Variants in COPS9 observed in about 807,000 individuals in gnomAD.
COPS9 encodes the protein COP9 signalosome subunit 9, also known as COP9 signalosome complex subunit 9.
Under a neutral mutation model 7.2 loss-of-function variants are expected in COPS9, and 8 were observed. The ratio of observed to expected loss-of-function variants is 1.11; its 90% CI spans 0.65 to 2.00. The LOEUF (loss-of-function observed/expected upper bound fraction) is 2.00, where lower values mean the gene tolerates loss of function less well. COPS9 is among the 30% of genes most tolerant of loss of function. The pLI is 0.00. For missense variants in COPS9, 74 were observed against 77.7 expected, an observed-to-expected ratio of 0.95 and a Z score of 0.18; for synonymous variants, 39 against 28.7, an observed-to-expected ratio of 1.36 and a Z score of -1.14.
chr2:240,133,601 C>T (rs2071943390), intron 2 of COPS9, among the ~76,000 whole-genome samples: 1 of 152,206 alleles, frequency 6.6e-6, no homozygotes, highest in Non-Finnish European at 1.5e-5. Flanking sequence ...AGATGGGGTT[C>T]CTATGGCCGT....
At chr2:240,134,260 C>G (rs2071951613) in intron 1 of COPS9, 1 of 477,822 alleles carries the variant, frequency 2.1e-6, no homozygotes, top group East Asian at 3.7e-5. Flanking sequence ...AAGAAACCTA[C>G]CACTGACCTA....
downstream of COPS9, among the ~76,000 whole-genome samples, chr2:240,127,300 G>C (rs567187242): frequency 6.6e-6 from 1 of 150,826 alleles, no homozygotes; most frequent in Non-Finnish European, 1.5e-5. Context: ...CAGGCACAGG[G>C]AAATTCCAAA....
intron 2 of COPS9, among the ~76,000 whole-genome samples, chr2:240,133,183 T>C (rs980400027): frequency 6.6e-6 from 1 of 152,216 alleles, no homozygotes; most frequent in Admixed American, 6.5e-5. Flanking sequence ...AAAAGCACCA[T>C]GGATTAAACC....
rs1318466537 is a variant in COPS9 at position 240,132,175 on chromosome 2, CTT to C, written c.137-1089_137-1088del. Among the ~76,000 whole-genome samples the C allele has an allele frequency of 6.6e-6, 1 of 152,332 alleles. No homozygotes were observed. Among genetic ancestry groups the C allele is most frequent in the East Asian group, 1.9e-4 (1 of 5,184 alleles). ...ATGCCGTCCACGCTTTGCCAGGGCT[CTT>C]GTCACAGTCCAGCCCCTGCCTGCTG... On this transcript the variant is annotated intron_variant, in intron 2 of 2. Coordinates refer to ENST00000607357, the MANE Select transcript of COPS9 (RefSeq NM_001163424.2). This position sits in a 1 kb window ranked among gnomAD's most constrained non-coding sequence, Gnocchi z 4.1.
At chr2:240,135,967 G>C in intron 1 of COPS9, 2 of 536,112 alleles carry the variant, frequency 3.7e-6, no homozygotes, top group Non-Finnish European at 6.2e-6. Flanking sequence ...GCACCCAGCA[G>C]GCACTCAACC....
chr2:240,133,819 G>C, intron 2 of COPS9, 114 bp downstream of exon 2: 1 of 1,033,488 alleles, frequency 9.7e-7, no homozygotes, highest in Non-Finnish European at 1.5e-6. Flanking sequence ...GAGGAGCGCA[G>C]GGGCTCTACC....
downstream of COPS9, chr2:240,129,963 G>T (rs374935553): frequency 6.2e-7 from 1 of 1,613,866 alleles, no homozygotes; most frequent in African/African-American, 1.3e-5. Flanking sequence ...CCCGTGCTCC[G>T]ACTGCCCTCG....
downstream of COPS9, among the ~76,000 whole-genome samples, chr2:240,129,322 T>A (rs894035153): frequency 3.3e-5 from 5 of 152,060 alleles, no homozygotes; most frequent in South Asian, 4.2e-4. Context: ...GCCACCATGC[T>A]CAGCTCATTT....
downstream of COPS9, among the ~76,000 whole-genome samples, chr2:240,128,340 C>T (rs73109501): frequency 9.6e-3 from 1,460 of 152,346 alleles, 17 homozygotes; most frequent in African/African-American, 0.033. Context: ...GATCTTTGAG[C>T]CCTGGGGCCA....
At chr2:240,126,893 A>G (rs756673800), downstream of COPS9, 8 of 1,614,006 alleles carry the variant, frequency 5.0e-6, no homozygotes, top group African/African-American at 6.7e-5. Flanking sequence ...CTGTGCTCCC[A>G]AACGCTCTGT....
rs1389058131 is a variant in COPS9, at chr2:240,132,706, C to T, written c.136+1227G>A. Reference sequence around the variant, plus strand: ...GACTTTGAAGGAGATCATCAAAATGCAAGCGTGTGGTGCCAGCATTAGCAA... The same window carrying T: ...GACTTTGAAGGAGATCATCAAAATGTAAGCGTGTGGTGCCAGCATTAGCAA... On this transcript the variant is annotated intron_variant, in intron 2 of 2. Coordinates refer to ENST00000607357, the MANE Select transcript of COPS9 (RefSeq NM_001163424.2). The surrounding 1 kb of genome is among the most constrained non-coding windows in gnomAD (Gnocchi z 4.1). 1.3e-5 allele frequency among the ~76,000 whole-genome samples: 2 copies of T among 152,190 alleles called. No individual in the cohort carries two copies. Among genetic ancestry groups the T allele is most frequent in the East Asian group, 1.9e-4 (1 of 5,194 alleles).
downstream of COPS9, among the ~76,000 whole-genome samples, chr2:240,129,068 C>G (rs2071894549): frequency 6.6e-6 from 1 of 152,348 alleles, no homozygotes; most frequent in Non-Finnish European, 1.5e-5. Context: ...CTGAGTTCCT[C>G]TGCGGCAGCT....
chr2:240,133,886 A>G, intron 2 of COPS9, 47 bp downstream of exon 2: 1 of 1,591,028 alleles, frequency 6.3e-7, no homozygotes, highest in Non-Finnish European at 8.6e-7. Context: ...TCACCTAGAG[A>G]AGAAATATTC....
In COPS9 at chr2:240,131,046, G is replaced by T; in HGVS notation, c.*5C>A. 6.2e-7 allele frequency: 1 copy of T among 1,612,898 alleles called. No homozygotes were observed. Among genetic ancestry groups the T allele is most frequent in the East Asian group, 2.2e-5 (1 of 44,884 alleles). On this transcript the variant is annotated 3_prime_UTR_variant, in exon 3 of 3. Coordinates refer to ENST00000607357, the MANE Select transcript of COPS9 (RefSeq NM_001163424.2). ...GCTTGGCCCCGCCTGCAGCCAGAGGGCATCTCACTGGATGTCATCATCATC... is the reference window on the plus strand; with the variant it reads ...GCTTGGCCCCGCCTGCAGCCAGAGGTCATCTCACTGGATGTCATCATCATC...
downstream of COPS9, chr2:240,129,862 C>T: frequency 6.6e-7 from 1 of 1,522,828 alleles, no homozygotes; most frequent in Non-Finnish European, 9.0e-7. Flanking sequence ...AAGCGGCAGC[C>T]TCAACGTGCG....
downstream of COPS9, among the ~76,000 whole-genome samples, chr2:240,130,523 C>A (rs1233064216): frequency 6.6e-6 from 1 of 152,204 alleles, no homozygotes; most frequent in African/African-American, 2.4e-5. Context: ...GACGTGGAGG[C>A]CAGAGGACAG....
At position 240,132,161 on chromosome 2, in the gene COPS9, G is replaced by A. The variant is rs116098914; in HGVS notation, c.137-1073C>T. Among the ~76,000 whole-genome samples the A allele has an allele frequency of 4.2e-3, 637 of 152,282 alleles. 2 individuals are homozygous for A. Among genetic ancestry groups the A allele is most frequent in the Non-Finnish European group, 6.5e-3 (442 of 68,016 alleles). On this transcript the variant is annotated intron_variant, in intron 2 of 2. Coordinates refer to ENST00000607357, the MANE Select transcript of COPS9 (RefSeq NM_001163424.2). The surrounding 1 kb of genome is among the most constrained non-coding windows in gnomAD (Gnocchi z 4.1). ...TGCTCCCAGAAACAATGCCGTCCAC[G>A]CTTTGCCAGGGCTCTTGTCACAGTC...
chr2:240,128,073 G>A (rs1559475769), downstream of COPS9, among the ~76,000 whole-genome samples: 1 of 152,238 alleles, frequency 6.6e-6, no homozygotes, highest in Non-Finnish European at 1.5e-5. Context: ...CCACCAAGGT[G>A]TGCTGAGAGT....
downstream of COPS9, chr2:240,129,987 A>G (rs890994204): frequency 6.8e-6 from 11 of 1,610,808 alleles, no homozygotes; most frequent in African/African-American, 1.3e-4. Context: ...CAGTGCGGGA[A>G]CCATGGAGGA....
Sources: gnomAD v4.1 joint callset for allele counts (sites outside exome capture counted in the v4.1 genomes callset) on GRCh38, gnomAD v4.1.1 for gene constraint, Gnocchi (gnomAD v3.1) non-coding constraint, MANE v1.5 for transcripts, NCBI Gene and HGNC (gene_info 2026-07-23, HGNC 2026-07-21) for gene names.